Variants in VWA8 observed in about 807,000 individuals in gnomAD.
The protein encoded by VWA8 is von Willebrand factor A domain-containing protein 8.
A neutral mutation model predicts 241.5 loss-of-function variants in VWA8; 221 were observed. The observed-to-expected ratio is 0.91, with a 90% CI of 0.82 to 1.02. The LOEUF is 1.02. VWA8 is among the 50% of genes least tolerant of loss of function. The pLI, the probability that VWA8 is intolerant of heterozygous loss-of-function variation, is 0.00. For missense variants in VWA8, 2,322 were observed against 2,328.7 expected, an observed-to-expected ratio of 1.00 and a Z score of 0.06; for synonymous variants, 852 against 827.1, an observed-to-expected ratio of 1.03 and a Z score of -0.52.
chr13:41,942,041 C>T (rs542194938), intron 2 of VWA8, among the ~76,000 whole-genome samples: 9 of 152,196 alleles, frequency 5.9e-5, no homozygotes, highest in Non-Finnish European at 1.2e-4. Context: ...TAAGAGAAGA[C>T]CCAGAAAGCA....
intron 2 of VWA8, among the ~76,000 whole-genome samples, chr13:41,943,161 T>C (rs1049547167): frequency 7.9e-5 from 12 of 152,266 alleles, no homozygotes; most frequent in Middle Eastern, 3.4e-3. Flanking sequence ...AAAAAATCAA[T>C]AGTCAAAAGC....
At chr13:41,930,224 A>G (rs1279895586) in intron 2 of VWA8, among the ~76,000 whole-genome samples, 2 of 152,226 alleles carry the variant, frequency 1.3e-5, no homozygotes, top group Non-Finnish European at 2.9e-5. Flanking sequence ...AAAAATCAAA[A>G]GATAAATGTC....
At chr13:41,777,150 T>C (rs1593764761) in intron 20 of VWA8, among the ~76,000 whole-genome samples, 1 of 152,180 alleles carries the variant, frequency 6.6e-6, no homozygotes, top group African/African-American at 2.4e-5. Context: ...ACAGGTACCA[T>C]GCTAGGAGCT....
At chr13:41,740,014 C>A (rs1396543431) in intron 21 of VWA8, among the ~76,000 whole-genome samples, 2 of 151,752 alleles carry the variant, frequency 1.3e-5, no homozygotes, top group South Asian at 2.1e-4. Flanking sequence ...GCCACCATGC[C>A]CGGCTAATTT....
At chr13:41,579,423 G>T (rs772729278) in intron 42 of VWA8, among the ~76,000 whole-genome samples, 1 of 152,232 alleles carries the variant, frequency 6.6e-6, no homozygotes, top group African/African-American at 2.4e-5. Flanking sequence ...AACGTGAAAA[G>T]AATAATGTAC....
At chr13:41,698,596 G>T (rs1056381928) in intron 29 of VWA8, among the ~76,000 whole-genome samples, 5 of 152,078 alleles carry the variant, frequency 3.3e-5, no homozygotes, top group Non-Finnish European at 7.4e-5. Flanking sequence ...CGTCATTCGG[G>T]TCTCAGATAA....
chr13:41,945,776 G>A (rs1877821924), intron 2 of VWA8, among the ~76,000 whole-genome samples: 1 of 151,964 alleles, frequency 6.6e-6, no homozygotes, highest in South Asian at 2.1e-4. Context: ...CAGACTTGTG[G>A]GGCACCATCA....
intron 4 of VWA8, 60 bp from the exon 5 acceptor site, chr13:41,891,647 C>T: frequency 6.4e-7 from 1 of 1,564,898 alleles, no homozygotes; most frequent in Non-Finnish European, 8.7e-7. Context: ...CTTGGCCTAA[C>T]ATTACTTGTA....
Position 41,912,101 on chromosome 13 carries a change from C to T in VWA8, c.309G>A (p.Gly103=), listed in dbSNP as rs1233309267. Residue 103 remains glycine, a synonymous_variant, in exon 3 of 45, where the codon GGG becomes GGA. Coordinates refer to ENST00000379310, the MANE Select transcript of VWA8 (RefSeq NM_015058.2). ...LRWIMQKDLL[G]QDVFLIGPPG... ...GAGGTCCTATTAGAAAAACATCTTG[C>T]CCCAAAAGATCCTTCTGCATTATCC... 3.7e-6 allele frequency: 6 copies of T among 1,609,124 alleles called. No homozygotes were observed. In the African/African-American group the frequency reaches 5.4e-5, roughly 14 times the overall value.
Position 41,611,737 on chromosome 13 carries a change from A to G in VWA8, c.4721-5T>C. 6.2e-7 allele frequency: 1 copy of G among 1,613,500 alleles called. No individual in the cohort carries two copies. Among genetic ancestry groups the G allele is most frequent in the Non-Finnish European group, 8.5e-7 (1 of 1,179,692 alleles). On this transcript the variant is annotated splice_polypyrimidine_tract_variant and splice_region_variant and intron_variant, in intron 38 of 44. Coordinates refer to ENST00000379310, the MANE Select transcript of VWA8 (RefSeq NM_015058.2). Reference sequence around the variant, plus strand: ...GGCCTGCCGTGTCTCTTCCCCCTGGAAGGAAAACGTGGAAATTCAGATGAT... The same window carrying G: ...GGCCTGCCGTGTCTCTTCCCCCTGGGAGGAAAACGTGGAAATTCAGATGAT...
At chr13:41,930,390 T>C (rs181063938) in intron 2 of VWA8, among the ~76,000 whole-genome samples, 31 of 152,248 alleles carry the variant, frequency 2.0e-4, no homozygotes, top group African/African-American at 7.2e-4. Flanking sequence ...GGAAATAAAA[T>C]CACCTCATAA....
chr13:41,941,748 C>T (rs984049478), intron 2 of VWA8, among the ~76,000 whole-genome samples: 1 of 152,124 alleles, frequency 6.6e-6, no homozygotes, highest in African/African-American at 2.4e-5. Context: ...CAGGCAGTAT[C>T]CTACACATTT....
At chr13:41,750,886 TAA>T (rs72030945) in intron 21 of VWA8, among the ~76,000 whole-genome samples, 38 of 143,874 alleles carry the variant, frequency 2.6e-4, no homozygotes, top group Admixed American at 5.5e-4. Flanking sequence ...ACATATTTGA[TAA>T]AAAAAAAAAA....
chr13:41,886,593 C>T (rs1874551819), intron 7 of VWA8, among the ~76,000 whole-genome samples, 188 bp downstream of exon 7: 1 of 152,176 alleles, frequency 6.6e-6, no homozygotes. Flanking sequence ...ACATATCTTT[C>T]AACTCTATTA....
intron 35 of VWA8, among the ~76,000 whole-genome samples, chr13:41,677,907 T>C (rs1007433837): frequency 7.2e-5 from 11 of 152,184 alleles, no homozygotes; most frequent in Admixed American, 2.6e-4. Flanking sequence ...AACAAGAAAC[T>C]TGACATTTTT....
intron 37 of VWA8, among the ~76,000 whole-genome samples, chr13:41,650,277 C>T (rs7996604): frequency 0.04 from 6,147 of 152,198 alleles, 159 homozygotes; most frequent in South Asian, 0.078. Context: ...CTGCTATAGT[C>T]AGTTCTATTT....
Position 41,830,518 on chromosome 13 carries a change from C to G in VWA8, c.1700+11G>C. ...ATAAATTAGCAATGGGAGTAATGGA[C>G]CCCAAATTACCTCTTCTGTAGCTGT... On this transcript the variant is annotated intron_variant, in intron 14 of 44. Transcript: ENST00000379310. 6.2e-7 allele frequency: 1 copy of G among 1,605,728 alleles called. No homozygotes were observed. Among genetic ancestry groups the G allele is most frequent in the Non-Finnish European group, 8.5e-7 (1 of 1,173,414 alleles).
At chr13:41,921,784 A>G (rs1389437536) in intron 2 of VWA8, among the ~76,000 whole-genome samples, 1 of 152,214 alleles carries the variant, frequency 6.6e-6, no homozygotes, top group Non-Finnish European at 1.5e-5. Context: ...TAAATAAAAG[A>G]GGACACAAAC....
At chr13:41,889,810 AT>A (rs1333018221) in intron 5 of VWA8, among the ~76,000 whole-genome samples, 3 of 152,338 alleles carry the variant, frequency 2.0e-5, no homozygotes, top group East Asian at 1.9e-4. Flanking sequence ...CTTAAAAAAA[AT>A]GATTCCATAT....
Sources: allele counts gnomAD v4.1 joint callset (sites outside exome capture counted in the v4.1 genomes callset), GRCh38; gene constraint gnomAD v4.1.1; transcripts MANE v1.5; gene names NCBI Gene and HGNC (gene_info 2026-07-23, HGNC 2026-07-21).